Variants in VPS13B observed in about 807,000 individuals in gnomAD.
The protein encoded by VPS13B is intermembrane lipid transfer protein VPS13B.
A neutral mutation model predicts 426.4 loss-of-function variants in VPS13B; 285 were observed. That is an observed-to-expected ratio of 0.67 (90% CI 0.61 to 0.74). The LOEUF is 0.74. Among genes scored for constraint, VPS13B ranks in the 30% least tolerant of loss-of-function variants. The pLI is 0.00. For synonymous variants in VPS13B, 1,676 were observed against 1,676.4 expected, an observed-to-expected ratio of 1.00 and a Z score of 0.01; for missense variants, 4,537 against 4,782.6, an observed-to-expected ratio of 0.95 and a Z score of 1.51.
intron 6 of VPS13B, among the ~76,000 whole-genome samples, chr8:99,113,770 G>T (rs1196660109): frequency 1.3e-5 from 2 of 151,538 alleles, no homozygotes. Flanking sequence ...TTGCCCTTTT[G>T]GCCAGGCTGG....
intron 17 of VPS13B, among the ~76,000 whole-genome samples, chr8:99,217,962 C>T (rs1815479261): frequency 1.3e-5 from 2 of 152,154 alleles, no homozygotes; most frequent in African/African-American, 4.8e-5. Flanking sequence ...ACATATCAAT[C>T]CAATAAAAGA....
intron 3 of VPS13B, among the ~76,000 whole-genome samples, chr8:99,070,634 T>C (rs1335759177): frequency 1.3e-5 from 2 of 152,218 alleles, no homozygotes; most frequent in African/African-American, 4.8e-5. Context: ...ATATTATCTA[T>C]AGGTTTCCTC....
At chr8:99,843,664 G>A (rs1039805539) in intron 54 of VPS13B, among the ~76,000 whole-genome samples, 7 of 152,200 alleles carry the variant, frequency 4.6e-5, no homozygotes, top group African/African-American at 1.2e-4. Context: ...GGCACATATT[G>A]TGGGGTCTAT....
chr8:99,090,411 G>A (rs1407179093), intron 3 of VPS13B, among the ~76,000 whole-genome samples: 3 of 151,962 alleles, frequency 2.0e-5, no homozygotes, highest in Non-Finnish European at 4.4e-5. Flanking sequence ...GGGATTACAG[G>A]TGCAAAGCAC....
At chr8:99,836,346 A>G (rs1815389956) in intron 54 of VPS13B, among the ~76,000 whole-genome samples, 2 of 152,128 alleles carry the variant, frequency 1.3e-5, no homozygotes, top group Admixed American at 1.3e-4. Flanking sequence ...GTGTTGTATA[A>G]CCATCACCAC....
At chr8:99,691,524 G>A (rs931304955) in intron 35 of VPS13B, among the ~76,000 whole-genome samples, 1 of 151,980 alleles carries the variant, frequency 6.6e-6, no homozygotes, top group Non-Finnish European at 1.5e-5. Context: ...ACAACTAGCT[G>A]TAAACAAGAC....
At chr8:99,845,159 A>T (rs1251214283) in intron 54 of VPS13B, among the ~76,000 whole-genome samples, 3 of 152,202 alleles carry the variant, frequency 2.0e-5, no homozygotes, top group Admixed American at 6.5e-5. Context: ...TTGCTAGAAC[A>T]CTACTTCTAT....
intron 33 of VPS13B, among the ~76,000 whole-genome samples, chr8:99,620,602 TC>T (rs1001147811): frequency 2.6e-5 from 4 of 152,012 alleles, no homozygotes; most frequent in African/African-American, 7.2e-5. Flanking sequence ...TAAAATACTT[TC>T]CCAACCTCAA....
chr8:99,239,771 G>A (rs997368148), intron 17 of VPS13B, among the ~76,000 whole-genome samples: 1 of 152,080 alleles, frequency 6.6e-6, no homozygotes. Context: ...AGTAATGAAG[G>A]TGTCCAGGTT....
In VPS13B at chr8:99,229,038, G is replaced by A. The variant is rs1284834652; in HGVS notation, c.2515+35981G>A. ...AATGGCATTTTATTTGTAGGTATAA[G>A]GAGTGATTTTTGAAATGGAAACAGG... On this transcript the variant is annotated intron_variant, in intron 17 of 61. Coordinates refer to ENST00000357162, the MANE Select transcript of VPS13B (RefSeq NM_152564.5). Among the ~76,000 whole-genome samples, 4 of 152,100 alleles carry A rather than the reference G, an allele frequency of 2.6e-5. No individual in the cohort carries two copies. The East Asian group carries it at 7.7e-4, about 29-fold the overall frequency.
chr8:99,135,868 C>T (rs1312725821), intron 11 of VPS13B, 135 bp downstream of exon 11: 2 of 1,212,370 alleles, frequency 1.6e-6, no homozygotes, highest in Non-Finnish European at 2.3e-6. Flanking sequence ...ATTTAGAATG[C>T]ATTTATACAG....
At position 99,776,961 on chromosome 8, in the gene VPS13B, T is replaced by TC. The variant is rs758706254; in HGVS notation, c.7429+6dup. 1 of 1,613,658 alleles carries TC rather than the reference T, an allele frequency of 6.2e-7. No individual in the cohort carries two copies. The highest frequency in any genetic ancestry group is 8.5e-7 in the Non-Finnish European group (1 of 1,179,588). On this transcript the variant is annotated splice_donor_region_variant and intron_variant, in intron 41 of 61. Coordinates refer to ENST00000357162, the MANE Select transcript of VPS13B (RefSeq NM_152564.5). ...ACCTTGACCAACTAGGCACAGGTAC[T>TC]CTTTTTTTTAGCATCAGAATAACAT... is the stretch of plus-strand genomic sequence containing the variant.
intron 9 of VPS13B, 127 bp downstream of exon 9, chr8:99,134,854 A>G (rs1264502128): frequency 2.6e-6 from 3 of 1,160,842 alleles, no homozygotes; most frequent in Non-Finnish European, 3.7e-6. Flanking sequence ...ATTTTAATAG[A>G]GTTTACTATC....
intron 36 of VPS13B, among the ~76,000 whole-genome samples, chr8:99,700,378 C>G (rs1388175789): frequency 6.6e-6 from 1 of 152,238 alleles, no homozygotes; most frequent in Non-Finnish European, 1.5e-5. Flanking sequence ...GCATGGAGCC[C>G]AGCAATCTGT....
At chr8:99,838,298 C>G (rs150913793) in intron 54 of VPS13B, among the ~76,000 whole-genome samples, 1 of 152,122 alleles carries the variant, frequency 6.6e-6, no homozygotes, top group Non-Finnish European at 1.5e-5. Context: ...TTTAGGTGCT[C>G]AATAAATAAA....
intron 17 of VPS13B, among the ~76,000 whole-genome samples, chr8:99,200,193 C>A (rs1294799960): frequency 6.6e-6 from 1 of 152,162 alleles, no homozygotes; most frequent in African/African-American, 2.4e-5. Context: ...ACTTAGCATA[C>A]TATTTCAAAG....
At chr8:99,169,912 TG>T in intron 15 of VPS13B, 126 bp from the exon 16 acceptor site, 2 of 1,155,282 alleles carry the variant, frequency 1.7e-6, no homozygotes, top group Non-Finnish European at 2.6e-6. Flanking sequence ...GTTTGGGAAG[TG>T]GAAAAAGACT....
intron 19 of VPS13B, 31 bp downstream of exon 19, chr8:99,275,285 T>C: frequency 6.6e-7 from 1 of 1,515,738 alleles, no homozygotes; most frequent in South Asian, 1.3e-5. Flanking sequence ...ATTCCCTTGT[T>C]TTGCTTTTTT....
intron 17 of VPS13B, chr8:99,209,919 TAA>T (rs1166044575): frequency 2.0e-5 from 4 of 196,588 alleles, no homozygotes; most frequent in African/African-American, 7.1e-5. Flanking sequence ...ATTTTTTTTT[TAA>T]GGACAAGAGA....
Sources: allele counts gnomAD v4.1 joint callset (sites outside exome capture counted in the v4.1 genomes callset), GRCh38; gene constraint gnomAD v4.1.1; transcripts MANE v1.5; gene names NCBI Gene and HGNC (gene_info 2026-07-23, HGNC 2026-07-21).